The following OXTR variants were observed in gnomAD, a reference collection of about 807,000 sequenced individuals.
OXTR encodes the protein oxytocin receptor.
In OXTR, 19 loss-of-function variants were observed where a neutral mutation model predicts 23.9. The ratio of observed to expected loss-of-function variants is 0.80; its 90% CI spans 0.56 to 1.17. OXTR has a LOEUF of 1.17. Ranked by LOEUF, OXTR falls within the 50% of genes most tolerant of loss-of-function variation. The pLI, the probability that OXTR is intolerant of heterozygous loss-of-function variation, is 0.00. For synonymous variants in OXTR, 278 were observed against 250.5 expected, an observed-to-expected ratio of 1.11 and a Z score of -1.04; for missense variants, 500 against 550.7, an observed-to-expected ratio of 0.91 and a Z score of 0.92.
At position 8,751,293 on chromosome 3, in the gene OXTR, T is replaced by C. The variant is rs201364594; in HGVS notation, c.*1684A>G. 1.3e-5 allele frequency: 2 copies of C among 152,218 alleles called. No homozygotes were observed. Among genetic ancestry groups the C allele is most frequent in the Non-Finnish European group, 2.9e-5 (2 of 68,038 alleles). 9.4% of individuals were successfully genotyped at this position (152,218 alleles called of 1,614,324 possible). A position where few individuals can be genotyped will look rare whatever the true frequency, so the allele number is the denominator to read the frequency against. Reference sequence around the variant, plus strand: ...TATTCCAGATACAAGCCCCTTATCATATATATGACTCGCAAATATTTTCTC... The same window carrying C: ...TATTCCAGATACAAGCCCCTTATCACATATATGACTCGCAAATATTTTCTC... On this transcript the variant is annotated 3_prime_UTR_variant, in exon 4 of 4. Transcript: ENST00000316793.
chr3:8,745,847 G>A, downstream of OXTR: 1 of 1,612,760 alleles, frequency 6.2e-7, no homozygotes, highest in South Asian at 1.1e-5. The surrounding 1 kb of genome is among the most constrained non-coding windows in gnomAD (Gnocchi z 4.8). Context: ...CATCAAGGTG[G>A]TGCTGCGGAA....
intron 3 of OXTR, among the ~76,000 whole-genome samples, chr3:8,755,687 T>TCAGGGG (rs1708357197): frequency 6.6e-6 from 1 of 152,210 alleles, no homozygotes; most frequent in Non-Finnish European, 1.5e-5. Context: ...GGGCCCTCTC[T>TCAGGGG]AAGCTGAACC....
Position 8,752,446 on chromosome 3 carries a change from A to G in OXTR, c.*531T>C, listed in dbSNP as rs1371251372. On this transcript the variant is annotated 3_prime_UTR_variant, in exon 4 of 4. Transcript: ENST00000316793. The stretch of plus-strand genomic sequence containing the variant: ...CTGCGCCAGATGGTCTTACAAGGTA[A>G]TCCCCTTCTCTTAGGGCTACCCTCT... 1 of 153,922 alleles carries G rather than the reference A, an allele frequency of 6.5e-6. No individual in the cohort carries two copies. The highest frequency in any genetic ancestry group is 1.4e-5 in the Non-Finnish European group (1 of 69,004). 9.5% of individuals were successfully genotyped at this position (153,922 alleles called of 1,614,324 possible). A position where few individuals can be genotyped will look rare whatever the true frequency, so the allele number is the denominator to read the frequency against.
downstream of OXTR, chr3:8,746,001 G>A (rs949111902): frequency 1.5e-4 from 105 of 677,920 alleles, no homozygotes; most frequent in South Asian, 1.1e-3. Context: ...TGGAGCACAC[G>A]GTGTAGGGAA....
At chr3:8,761,604 T>C (rs1165631441) in intron 3 of OXTR, among the ~76,000 whole-genome samples, 1 of 152,140 alleles carries the variant, frequency 6.6e-6, no homozygotes, top group Non-Finnish European at 1.5e-5. Flanking sequence ...CGTGGGCAGG[T>C]CACACCTCTC....
chr3:8,742,096 T>C, the OXTR span, among the ~76,000 whole-genome samples: 19 of 152,296 alleles, frequency 1.2e-4, no homozygotes, highest in African/African-American at 4.6e-4. Context: ...AGTCACCGTA[T>C]GCTTGTGCTG....
At chr3:8,769,072 C>G (rs532715043) in intron 1 of OXTR, among the ~76,000 whole-genome samples, 159 bp downstream of exon 1, 149 of 152,344 alleles carry the variant, frequency 9.8e-4, no homozygotes, top group African/African-American at 3.3e-3. Flanking sequence ...TAATCAAGGA[C>G]TCTGAGTCTC....
chr3:8,745,916 CTGGT>C (rs748670765), downstream of OXTR: 11 of 1,512,626 alleles, frequency 7.3e-6, no homozygotes, highest in South Asian at 1.2e-4. This position sits in a 1 kb window ranked among gnomAD's most constrained non-coding sequence, Gnocchi z 4.8. Flanking sequence ...GTGGGCCAGA[CTGGT>C]CCCCGGGGGA....
intron 3 of OXTR, among the ~76,000 whole-genome samples, chr3:8,764,925 C>T (rs903496575): frequency 3.9e-5 from 6 of 152,206 alleles, no homozygotes; most frequent in African/African-American, 1.4e-4. Flanking sequence ...GCAACACCCA[C>T]CCTTCCCTGT....
At chr3:8,757,709 ACT>A (rs1162704202) in intron 3 of OXTR, among the ~76,000 whole-genome samples, 1 of 151,446 alleles carries the variant, frequency 6.6e-6, no homozygotes, top group Admixed American at 6.6e-5. Context: ...CTGCAAACTT[ACT>A]CTCTCCCATC....
In OXTR at chr3:8,767,526, C is replaced by T; in HGVS notation, c.662G>A (p.Gly221Asp). 1 of 1,612,956 alleles carries T rather than the reference C, an allele frequency of 6.2e-7. No individual in the cohort carries two copies. ...VPVIVLAACY[G>D]LISFKIWQNL... is the part of the protein sequence containing the mutation. ...CTGCCAGATCTTGAAGCTGATAAGG[C>T]CGTAGCAGGCAGCGAGCACGATGAC... Residue 221 changes from glycine (G) to aspartate (D), a missense_variant, in exon 3 of 4, where the codon GGC (glycine) becomes GAC (aspartate). Transcript: ENST00000316793.
chr3:8,768,057 G>T lies in OXTR; in HGVS notation c.131C>A (p.Ala44Glu). 6.4e-7 allele frequency: 1 copy of T among 1,561,958 alleles called. No homozygotes were observed. Among genetic ancestry groups the T allele is most frequent in the Non-Finnish European group, 8.6e-7 (1 of 1,156,764 alleles). ...CAGGAGCAGGATGAGACACAGCACC[G>T]CCACCTCCACGCGCGCCAGGGCCTC... ...RNEALARVEV[A>E]VLCLILLLAL... Residue 44 changes from alanine to glutamate, a missense_variant, in exon 3 of 4, where the codon GCG (alanine) becomes GAG (glutamate). Physicochemically the swap from Ala to Glu is moderately radical, Grantham distance 107. Transcript: ENST00000316793. This position sits in a 1 kb window ranked among gnomAD's most constrained non-coding sequence, Gnocchi z 5.4.
intron 3 of OXTR, among the ~76,000 whole-genome samples, chr3:8,757,387 T>C (rs534645268): frequency 6.7e-6 from 1 of 150,188 alleles, no homozygotes; most frequent in South Asian, 2.1e-4. Flanking sequence ...CCAGAACAAT[T>C]AAAGAAATTC....
At position 8,752,877 on chromosome 3, in the gene OXTR, T is replaced by C. The variant is rs201065200; in HGVS notation, c.*100A>G. On this transcript the variant is annotated 3_prime_UTR_variant, in exon 4 of 4. Transcript: ENST00000316793. ...CAAGGAGGGGAGGGATACAAACTGA[T>C]AGGTACCTTATACACAAACATACGC... 7.7e-7 allele frequency: 1 copy of C among 1,294,824 alleles called. No homozygotes were observed. The highest frequency in any genetic ancestry group is 1.0e-6 in the Non-Finnish European group (1 of 963,454). 80.2% of individuals were successfully genotyped at this position (1,294,824 alleles called of 1,614,324 possible).
Position 8,768,342 on chromosome 3 carries a change from G to C in OXTR, c.-142-13C>G. The C allele has an allele frequency of 1.7e-6, 2 of 1,164,008 alleles. No homozygotes were observed. The highest frequency in any genetic ancestry group is 2.1e-6 in the Non-Finnish European group (2 of 933,764). The allele number at this position is 1,164,008 out of a possible 1,614,324, so 72.1% of individuals were successfully genotyped here. On this transcript the variant is annotated splice_polypyrimidine_tract_variant and intron_variant, in intron 2 of 3. Transcript: ENST00000316793. The surrounding 1 kb of genome is among the most constrained non-coding windows in gnomAD (Gnocchi z 5.4). ...TGCTGGGTCCACCCTGAAACAAACC[G>C]GGAGGGCCGTGAGGAGACCGCCGCG...
chr3:8,760,162 T>C (rs1708456999), intron 3 of OXTR, among the ~76,000 whole-genome samples: 1 of 152,212 alleles, frequency 6.6e-6, no homozygotes, highest in Non-Finnish European at 1.5e-5. Flanking sequence ...GTATACAACC[T>C]AAGTCCTATT....
the OXTR span, among the ~76,000 whole-genome samples, chr3:8,744,347 C>T: frequency 1.0e-4 from 15 of 146,652 alleles, no homozygotes; most frequent in Non-Finnish European, 1.8e-4. Context: ...GGCACAATCT[C>T]GGCTCACTGC....
chr3:8,748,645 C>G (rs909395694), downstream of OXTR, among the ~76,000 whole-genome samples: 7 of 152,212 alleles, frequency 4.6e-5, no homozygotes, highest in Admixed American at 1.3e-4. Flanking sequence ...AACTTATGAT[C>G]AGCCATGTCA....
intron 3 of OXTR, among the ~76,000 whole-genome samples, chr3:8,765,706 T>C (rs1575490299): frequency 6.6e-6 from 1 of 152,292 alleles, no homozygotes; most frequent in East Asian, 1.9e-4. Context: ...CCCCACTCCC[T>C]CATCATGTGT....
Sources: gnomAD v4.1 joint callset for allele counts (sites outside exome capture counted in the v4.1 genomes callset) on GRCh38, gnomAD v4.1.1 for gene constraint, Gnocchi (gnomAD v3.1) non-coding constraint, MANE v1.5 for transcripts, NCBI Gene and HGNC (gene_info 2026-07-23, HGNC 2026-07-21) for gene names.